PER3: variants seen among roughly 807,000 people sequenced by gnomAD.
The protein encoded by PER3 is period circadian regulator 3.
PER3 carries 107 observed loss-of-function variants against 127.2 expected under a neutral mutation model. That is an observed-to-expected ratio of 0.84 (90% confidence interval 0.72 to 0.99). The LOEUF is 0.99. Among genes scored for constraint, PER3 ranks in the 50% least tolerant of loss-of-function variants. The probability of loss-of-function intolerance (pLI) is 0.00; values close to 1 mark genes in which losing one functional copy is unlikely to be tolerated. For synonymous variants in PER3, 618 were observed against 585.8 expected (o/e 1.05, Z -0.79); for missense variants, 1,560 against 1,525.8 (o/e 1.02, Z -0.37).
chr1:7,806,135 A>G (rs1208010674), intron 10 of PER3, among the ~76,000 whole-genome samples: 1 of 152,218 alleles, frequency 6.6e-6, no homozygotes. Context: ...TGGCACTGTC[A>G]TATATAACTA....
chr1:7,832,993 G>T (rs1283865643), intron 19 of PER3, among the ~76,000 whole-genome samples: 2 of 152,016 alleles, frequency 1.3e-5, no homozygotes, highest in East Asian at 3.9e-4. Context: ...ATATGCCAGT[G>T]TACCTGGCCA....
At chr1:7,818,639 A>G (rs2097262292) in intron 13 of PER3, among the ~76,000 whole-genome samples, 1 of 152,226 alleles carries the variant, frequency 6.6e-6, no homozygotes, top group South Asian at 2.1e-4. Context: ...CTTCTCTCTA[A>G]ACTACTACAT....
chr1:7,818,772 C>T (rs1045391573), intron 13 of PER3, among the ~76,000 whole-genome samples: 6 of 152,198 alleles, frequency 3.9e-5, no homozygotes, highest in Non-Finnish European at 5.9e-5. Flanking sequence ...TTAATAGTTA[C>T]GTTAGCACAT....
At chr1:7,802,959 C>A in intron 8 of PER3, 88 bp from the exon 9 acceptor site, 1 of 809,260 alleles carries the variant, frequency 1.2e-6, no homozygotes, top group Non-Finnish European at 2.2e-6. Context: ...AATTGTCTCA[C>A]ATTTAGAATG....
At chr1:7,801,256 T>G (rs2097169641) in intron 8 of PER3, 65 bp downstream of exon 8, 2 of 889,754 alleles carry the variant, frequency 2.2e-6, no homozygotes, top group African/African-American at 1.7e-5. Flanking sequence ...TGAAGAAGAT[T>G]ACATTATGTT....
intron 8 of PER3, among the ~76,000 whole-genome samples, chr1:7,801,736 TAGTA>T (rs1156581064): frequency 6.6e-6 from 1 of 152,324 alleles, no homozygotes; most frequent in South Asian, 2.1e-4. Context: ...AGGATAGTGA[TAGTA>T]GGTAGTAGTT....
intron 21 of PER3, among the ~76,000 whole-genome samples, chr1:7,841,186 G>A (rs1173316831): frequency 6.6e-6 from 1 of 152,142 alleles, no homozygotes; most frequent in Non-Finnish European, 1.5e-5. Context: ...AATTTGTGTT[G>A]GGCCACATTC....
chr1:7,819,161 A>T, intron 13 of PER3, 124 bp from the exon 14 acceptor site: 1 of 730,794 alleles, frequency 1.4e-6, no homozygotes, highest in Non-Finnish European at 2.2e-6. Context: ...CATTTTTAAT[A>T]GCCGCATGAT....
rs920791656 is a variant in PER3 at position 7,817,006 on chromosome 1, C to G, written c.1523-2279C>G. 5.9e-5 allele frequency among the ~76,000 whole-genome samples: 9 copies of G among 152,286 alleles called. No homozygotes were observed. In the South Asian group the frequency reaches 8.3e-4, roughly 14 times the overall value. The stretch of plus-strand genomic sequence containing the variant: ...AGAGAAATGAACTTGATTCACAGAC[C>G]ATTGTATATATAAATCTTAAATACA... On this transcript the variant is annotated intron_variant, in intron 13 of 21. Coordinates refer to ENST00000377532, the MANE Select transcript of PER3 (RefSeq NM_001377275.1).
Position 7,827,342 on chromosome 1 carries a change from T to TA in PER3, c.2414dup (p.Tyr805Ter). 6.2e-7 allele frequency: 1 copy of TA among 1,614,016 alleles called. No homozygotes were observed. The highest frequency in any genetic ancestry group is 8.5e-7 in the Non-Finnish European group (1 of 1,179,978). ...CGCCATGGTGCCCAGCCAGGCCCCT[T>TA]ACCTCGTCCCAGCTTTTCCCCTCCC... ...PAAMVPSQAP[Y>*]LVPAFPLPAA... Residue 805 changes from tyrosine to a stop codon, truncating the protein, a stop_gained and frameshift_variant, in exon 18 of 22, where the codon TAC becomes TAAC. Coordinates refer to ENST00000377532, the MANE Select transcript of PER3 (RefSeq NM_001377275.1). LOFTEE classifies it high-confidence loss of function.
Position 7,820,612 on chromosome 1 carries a change from C to T in PER3, c.1929C>T (p.Thr643=). ...TAAGCCAATGCGGTTACAGCAGCAC[C>T]ATTGTCCATGTCCCACCCCCAGAGA... ...SGISQCGYSS[T]IVHVPPPETA... The change falls in exon 16 of 22, where the codon ACC becomes ACT. Residue 643 remains threonine, a synonymous_variant. Transcript: ENST00000377532. 1 of 1,613,862 alleles carries T rather than the reference C, an allele frequency of 6.2e-7. No individual in the cohort carries two copies. Among genetic ancestry groups the T allele is most frequent in the Non-Finnish European group, 8.5e-7 (1 of 1,179,882 alleles).
chr1:7,801,076 T>C, intron 7 of PER3, 37 bp from the exon 8 acceptor site: 1 of 1,196,178 alleles, frequency 8.4e-7, no homozygotes, highest in South Asian at 1.3e-5. Flanking sequence ...TAATTAGATA[T>C]TTGCCTTTAA....
chr1:7,819,521 T>C, intron 14 of PER3, 101 bp downstream of exon 14: 1 of 1,047,730 alleles, frequency 9.5e-7, no homozygotes, highest in Non-Finnish European at 1.4e-6. Flanking sequence ...TCTGACTTGG[T>C]TTTTCACTAT....
At chr1:7,793,440 A>C (rs2097130848) in intron 5 of PER3, among the ~76,000 whole-genome samples, 1 of 152,242 alleles carries the variant, frequency 6.6e-6, no homozygotes, top group African/African-American at 2.4e-5. Flanking sequence ...TTATCCATAC[A>C]CAATAAAGTC....
chr1:7,804,309 TTC>T (rs1218273493), intron 10 of PER3, among the ~76,000 whole-genome samples: 1 of 147,076 alleles, frequency 6.8e-6, no homozygotes, highest in Admixed American at 6.9e-5. Context: ...GTTTCTTTCT[TTC>T]TTTTTTTTTT....
chr1:7,789,090 A>G (rs1489375906), intron 5 of PER3, among the ~76,000 whole-genome samples: 1 of 151,112 alleles, frequency 6.6e-6, no homozygotes, highest in Non-Finnish European at 1.5e-5. Flanking sequence ...CTTTTTAGTC[A>G]TCCTTCATTA....
intron 4 of PER3, chr1:7,787,389 T>C: frequency 3.0e-6 from 1 of 328,180 alleles, no homozygotes; most frequent in Non-Finnish European, 6.0e-6. Context: ...AACATAATTG[T>C]TACTTAAAGA....
chr1:7,838,487 C>T (rs1014437163), intron 21 of PER3, among the ~76,000 whole-genome samples: 9 of 152,170 alleles, frequency 5.9e-5, no homozygotes, highest in African/African-American at 2.2e-4. Context: ...TGGCTCACTG[C>T]AACCTCTGCC....
chr1:7,808,783 CAAAG>C, intron 10 of PER3, 106 bp from the exon 11 acceptor site: 1 of 664,254 alleles, frequency 1.5e-6, no homozygotes, highest in East Asian at 2.8e-5. Flanking sequence ...TCTTTGGAGT[CAAAG>C]AATTGTTTTG....
Sources: allele counts gnomAD v4.1 joint callset (sites outside exome capture counted in the v4.1 genomes callset), GRCh38; gene constraint gnomAD v4.1.1; transcripts MANE v1.5; gene names NCBI Gene and HGNC (gene_info 2026-07-23, HGNC 2026-07-21).